MYO5B: variants seen among roughly 807,000 people sequenced by gnomAD.
The protein encoded by MYO5B is myosin VB, also known as unconventional myosin-Vb.
A neutral mutation model predicts 229.3 loss-of-function variants in MYO5B; 143 were observed. That is an observed-to-expected ratio of 0.62 (90% CI 0.54 to 0.72). The LOEUF is 0.72. Ranked by LOEUF, MYO5B falls within the 30% of genes least tolerant of loss-of-function variation. The probability of loss-of-function intolerance (pLI) is 0.00; values close to 1 mark genes in which losing one functional copy is unlikely to be tolerated. For synonymous variants in MYO5B, 918 were observed against 885.2 expected (o/e 1.04, Z -0.66); for missense variants, 2,321 against 2,331.0 (o/e 1.00, Z 0.09).
At chr18:50,081,647 G>C (rs2031224124) in intron 1 of MYO5B, among the ~76,000 whole-genome samples, 1 of 152,144 alleles carries the variant, frequency 6.6e-6, no homozygotes, top group African/African-American at 2.4e-5. Context: ...CAGGTGTCCT[G>C]GGACAAAAAG....
intron 3 of MYO5B, among the ~76,000 whole-genome samples, chr18:50,039,611 G>A (rs373206803): frequency 1.3e-3 from 196 of 152,314 alleles, no homozygotes; most frequent in African/African-American, 3.3e-3. Context: ...GATTACAGGC[G>A]TGAGCCACTG....
chr18:50,056,790 C>T (rs1475561970), intron 1 of MYO5B, among the ~76,000 whole-genome samples: 2 of 151,322 alleles, frequency 1.3e-5, no homozygotes, highest in Non-Finnish European at 2.9e-5. Flanking sequence ...CTGACTCCTC[C>T]TACACTTGTC....
At chr18:49,868,838 C>G (rs1365140254) in intron 27 of MYO5B, among the ~76,000 whole-genome samples, 1 of 152,210 alleles carries the variant, frequency 6.6e-6, no homozygotes, top group Non-Finnish European at 1.5e-5. Context: ...GACCTTACCC[C>G]AAATGGGGGC....
At chr18:50,144,559 C>T (rs2032470801) in intron 1 of MYO5B, among the ~76,000 whole-genome samples, 1 of 152,152 alleles carries the variant, frequency 6.6e-6, no homozygotes, top group Admixed American at 6.5e-5. Flanking sequence ...GGAAGATGCT[C>T]TCCATGAGCT....
chr18:49,962,449 C>A (rs752412705), intron 11 of MYO5B, 43 bp from the exon 12 acceptor site: 1 of 1,613,682 alleles, frequency 6.2e-7, no homozygotes, highest in Non-Finnish European at 8.5e-7. Context: ...TGCAGGCACA[C>A]CTTAACATTC....
intron 18 of MYO5B, among the ~76,000 whole-genome samples, chr18:49,909,356 G>T (rs2024933903): frequency 6.6e-6 from 1 of 152,264 alleles, no homozygotes; most frequent in African/African-American, 2.4e-5. Context: ...GACTGGATCA[G>T]AGGGCAATGT....
intron 16 of MYO5B, among the ~76,000 whole-genome samples, chr18:49,932,333 T>C (rs868362463): frequency 5.3e-5 from 8 of 152,136 alleles, no homozygotes; most frequent in Admixed American, 2.6e-4. Flanking sequence ...GGTTTTCTCT[T>C]AGAGTCTCCA....
chr18:49,839,477 C>T, intron 35 of MYO5B, 183 bp from the exon 36 acceptor site: 1 of 669,840 alleles, frequency 1.5e-6, no homozygotes, highest in South Asian at 1.6e-5. Flanking sequence ...GACCCTTGAA[C>T]TTGAAGGATG....
intron 8 of MYO5B, among the ~76,000 whole-genome samples, chr18:49,982,002 G>A (rs1250487097): frequency 6.6e-6 from 1 of 152,182 alleles, no homozygotes; most frequent in Non-Finnish European, 1.5e-5. Flanking sequence ...CCCATTGAAA[G>A]TGCTAGACAG....
At chr18:50,049,931 A>G (rs1392721152) in intron 2 of MYO5B, among the ~76,000 whole-genome samples, 4 of 152,320 alleles carry the variant, frequency 2.6e-5, no homozygotes, top group South Asian at 4.1e-4. Flanking sequence ...AATGCCACTG[A>G]ACTGTACACT....
intron 14 of MYO5B, among the ~76,000 whole-genome samples, chr18:49,943,923 T>C (rs2025343254): frequency 6.6e-6 from 1 of 152,028 alleles, no homozygotes; most frequent in Non-Finnish European, 1.5e-5. Context: ...GGACATTGGA[T>C]GGGGAGGACA....
intron 1 of MYO5B, among the ~76,000 whole-genome samples, chr18:50,076,179 A>G (rs2031073700): frequency 6.6e-6 from 1 of 152,182 alleles, no homozygotes; most frequent in Non-Finnish European, 1.5e-5. Flanking sequence ...AGAGCAACCT[A>G]CAGCCAGAGG....
In MYO5B at chr18:49,992,523, T is replaced by TTA. The variant is rs1257937537; in HGVS notation, c.613-93_613-92insTA. 5.8e-6 allele frequency: 9 copies of TTA among 1,561,182 alleles called. No individual in the cohort carries two copies. In the African/African-American group the frequency reaches 1.2e-4, roughly 21 times the overall value. On this transcript the variant is annotated intron_variant, in intron 5 of 39. Coordinates refer to ENST00000285039, the MANE Select transcript of MYO5B (RefSeq NM_001080467.3). ...TTTGTGGCAGCATGTGTCCCCTTTC[T>TTA]CTTCCTTACTTACAGAAACCCTCTG...
intron 1 of MYO5B, among the ~76,000 whole-genome samples, chr18:50,093,772 AAAAAAAG>A (rs1295868040): frequency 1.3e-5 from 2 of 152,284 alleles, no homozygotes; most frequent in Non-Finnish European, 1.5e-5. Flanking sequence ...ATATGCTAAA[AAAAAAAG>A]AAAAAAGAAA....
At chr18:50,068,350 C>T (rs778030758) in intron 1 of MYO5B, among the ~76,000 whole-genome samples, 27 of 152,184 alleles carry the variant, frequency 1.8e-4, no homozygotes, top group Admixed American at 6.5e-4. Flanking sequence ...TTCTTTCCAC[C>T]ACTTAGGTGT....
chr18:50,020,036 T>A (rs1256228172), intron 4 of MYO5B, among the ~76,000 whole-genome samples: 1 of 152,056 alleles, frequency 6.6e-6, no homozygotes, highest in East Asian at 1.9e-4. Flanking sequence ...CTCACCAAGC[T>A]CATCTACCCT....
In MYO5B at chr18:49,974,499, G is replaced by T; in HGVS notation, c.1173C>A (p.Thr391=). The T allele has an allele frequency of 6.2e-7, 1 of 1,614,202 alleles. No individual in the cohort carries two copies. Among genetic ancestry groups the T allele is most frequent in the African/African-American group, 1.3e-5 (1 of 75,046 alleles). The change falls in exon 10 of 40, where the codon ACC becomes ACA. Residue 391 remains threonine (T), a synonymous_variant. Transcript: ENST00000285039. ...LVTTSETYVK[T]MSLQQVINAR... is the part of the protein sequence containing the mutation. ...CATTGATCACCTGCTGCAGGGACAT[G>T]GTCTTGACGTAGGTCTCCGAGGTGG...
At chr18:50,118,568 TAC>T (rs2032004612) in intron 1 of MYO5B, among the ~76,000 whole-genome samples, 1 of 152,084 alleles carries the variant, frequency 6.6e-6, no homozygotes, top group African/African-American at 2.4e-5. Context: ...AGTTTTAGGG[TAC>T]ATGTGCACAA....
intron 1 of MYO5B, among the ~76,000 whole-genome samples, chr18:50,105,249 A>AAATAAAT (rs151090358): frequency 0.043 from 6,025 of 140,906 alleles, 131 homozygotes; most frequent in East Asian, 0.086. Flanking sequence ...ATAAATAAAT[A>AAATAAAT]AAAAATAGAT....
Sources: allele counts gnomAD v4.1 joint callset (sites outside exome capture counted in the v4.1 genomes callset), GRCh38; gene constraint gnomAD v4.1.1; transcripts MANE v1.5; gene names NCBI Gene and HGNC (gene_info 2026-07-23, HGNC 2026-07-21).